The following HERC2 variants were observed in gnomAD, a reference collection of about 807,000 sequenced individuals.
HERC2 encodes the protein HECT and RLD domain containing E3 ubiquitin protein ligase 2, also known as E3 ubiquitin-protein ligase HERC2.
Under a neutral mutation model 537.7 loss-of-function variants are expected in HERC2, and 102 were observed. That is an observed-to-expected ratio of 0.19 (90% CI 0.16 to 0.22). The LOEUF is 0.22. HERC2 is among the 10% of genes least tolerant of loss of function. The pLI, the probability that HERC2 is intolerant of heterozygous loss-of-function variation, is 1.00. For synonymous variants in HERC2, 2,224 were observed against 2,466.2 expected (o/e 0.90, Z 2.91); for missense variants, 4,236 against 6,198.2 (o/e 0.68, Z 10.63).
chr15:28,258,851 A>C (rs544532122), intron 16 of HERC2, among the ~76,000 whole-genome samples: 1 of 152,298 alleles, frequency 6.6e-6, no homozygotes, highest in African/African-American at 2.4e-5. Context: ...CTGACAAAGA[A>C]AAAAACAGAA....
chr15:28,240,025 T>G (rs1464149106), intron 23 of HERC2, among the ~76,000 whole-genome samples: 1 of 151,712 alleles, frequency 6.6e-6, no homozygotes, highest in Non-Finnish European at 1.5e-5. Context: ...TCACTGTTAA[T>G]CTTATAGACA....
intron 48 of HERC2, among the ~76,000 whole-genome samples, chr15:28,200,326 C>T (rs1221680942): frequency 2.6e-5 from 4 of 152,084 alleles, no homozygotes; most frequent in Middle Eastern, 3.4e-3. Flanking sequence ...ACCCGGGAGG[C>T]GGAGCTTGTA....
Position 28,145,933 on chromosome 15 carries a change from T to C in HERC2, c.11008+304A>G, listed in dbSNP as rs370756778. On this transcript the variant is annotated intron_variant, in intron 71 of 92. Transcript: ENST00000261609. ...AACCTTTTGAAGAAGCTCTGCAGTA[T>C]GCCAACCATGACCTTACACGAGCTC... 2.8e-4 allele frequency among the ~76,000 whole-genome samples: 42 copies of C among 152,300 alleles called. No individual in the cohort carries two copies. The South Asian group carries it at 8.1e-3, about 29-fold the overall frequency.
At chr15:28,151,567 G>C (rs1434397781) in intron 70 of HERC2, among the ~76,000 whole-genome samples, 2 of 152,188 alleles carry the variant, frequency 1.3e-5, no homozygotes, top group East Asian at 3.9e-4. Flanking sequence ...CAGACCCCAG[G>C]TGAAGAGTGG....
At chr15:28,134,241 T>C (rs571490146) in intron 79 of HERC2, among the ~76,000 whole-genome samples, 2 of 152,322 alleles carry the variant, frequency 1.3e-5, no homozygotes, top group Admixed American at 1.3e-4. Flanking sequence ...GTATTCTAAG[T>C]GGTATTTTAA....
At chr15:28,155,473 T>C (rs1204506032) in intron 69 of HERC2, among the ~76,000 whole-genome samples, 2 of 152,192 alleles carry the variant, frequency 1.3e-5, no homozygotes. Context: ...TGGTGTGAGA[T>C]GGTATCTTAT....
chr15:28,319,559 TG>T (rs2077177796), intron 2 of HERC2, among the ~76,000 whole-genome samples: 4 of 125,398 alleles, frequency 3.2e-5, no homozygotes, highest in African/African-American at 1.2e-4. Context: ...CACGCCAGCC[TG>T]GGCGACAGAG....
In HERC2 at chr15:28,226,625, C is replaced by T. The variant is rs559244986; in HGVS notation, c.5464+1593G>A. On this transcript the variant is annotated intron_variant, in intron 35 of 92. Coordinates refer to ENST00000261609, the MANE Select transcript of HERC2 (RefSeq NM_004667.6). ...TAAAAATGGACCAAAGATCTAAATA[C>T]AAGAGCTGAAACTATAAAACTTACA... Among the ~76,000 whole-genome samples, 24 of 152,242 alleles carry T rather than the reference C, an allele frequency of 1.6e-4. No individual in the cohort carries two copies. The South Asian group carries it at 4.2e-3, about 26-fold the overall frequency.
At chr15:28,183,906 G>A (rs1289157063) in intron 56 of HERC2, among the ~76,000 whole-genome samples, 1 of 152,086 alleles carries the variant, frequency 6.6e-6, no homozygotes, top group Non-Finnish European at 1.5e-5. Context: ...TATGTATGGG[G>A]ACCAGGCACA....
intron 68 of HERC2, among the ~76,000 whole-genome samples, chr15:28,163,865 A>T (rs1893863568): frequency 6.6e-6 from 1 of 152,236 alleles, no homozygotes; most frequent in Non-Finnish European, 1.5e-5. Context: ...CAGCCTAAAC[A>T]TACCACATCT....
At chr15:28,314,168 G>A (rs1010374058) in intron 2 of HERC2, among the ~76,000 whole-genome samples, 3 of 151,992 alleles carry the variant, frequency 2.0e-5, no homozygotes, top group African/African-American at 7.2e-5. Context: ...ATATCTGAAA[G>A]TCAAGCAAAT....
At chr15:28,118,926 C>T (rs549460628) in intron 86 of HERC2, among the ~76,000 whole-genome samples, 1 of 152,220 alleles carries the variant, frequency 6.6e-6, no homozygotes, top group African/African-American at 2.4e-5. Context: ...AGCCCCCAGA[C>T]GTCAATCCAC....
intron 2 of HERC2, among the ~76,000 whole-genome samples, chr15:28,303,273 C>G (rs2076684824): frequency 6.6e-6 from 1 of 152,250 alleles, no homozygotes; most frequent in African/African-American, 2.4e-5. Flanking sequence ...TCCTTTCCCT[C>G]ACGTATCCTC....
chr15:28,142,382 A>G lies in HERC2; in HGVS notation c.11556T>C (p.Ala3852=). The change falls in exon 76 of 93, where the codon GCT becomes GCC. Residue 3852 remains alanine, a synonymous_variant. Transcript: ENST00000261609. Reference sequence around the variant, plus strand: ...TGTCCAGCTCCAGGTCACAAGCAAGAGCTACCAGTACCTGCAGGCACCAAA... The same window carrying G: ...TGTCCAGCTCCAGGTCACAAGCAAGGGCTACCAGTACCTGCAGGCACCAAA... The part of the protein sequence containing the change: ...LHSPFFKVLV[A]LACDLELDTL... The G allele has an allele frequency of 6.2e-7, 1 of 1,613,340 alleles. No homozygotes were observed. Among genetic ancestry groups the G allele is most frequent in the South Asian group, 1.1e-5 (1 of 90,946 alleles).
chr15:28,144,837 T>G, intron 71 of HERC2, 33 bp from the exon 72 acceptor site: 1 of 1,613,474 alleles, frequency 6.2e-7, no homozygotes, highest in African/African-American at 1.3e-5. Flanking sequence ...GGGGTTAGCT[T>G]CACTCCATCA....
chr15:28,124,368 C>T, intron 84 of HERC2, 134 bp from the exon 85 acceptor site: 1 of 496,788 alleles, frequency 2.0e-6, no homozygotes, highest in Non-Finnish European at 3.4e-6. Flanking sequence ...TTGGTTTGCA[C>T]AACCTCACTG....
At position 28,175,672 on chromosome 15, in the gene HERC2, T is replaced by C. The variant is rs755479598; in HGVS notation, c.9687-16A>G. 3.7e-6 allele frequency: 6 copies of C among 1,613,796 alleles called. 1 individual carries two copies. Among genetic ancestry groups the C allele is most frequent in the South Asian group, 3.3e-5 (3 of 91,074 alleles). On this transcript the variant is annotated splice_polypyrimidine_tract_variant and intron_variant, in intron 63 of 92. Transcript: ENST00000261609. The stretch of plus-strand genomic sequence containing the variant: ...CCCCTTTCCCCTGAGAGAAGGCCCA[T>C]GGTGGAGAGTTACAATACGGTTATG...
intron 23 of HERC2, among the ~76,000 whole-genome samples, chr15:28,240,563 T>G (rs1459509417): frequency 6.6e-6 from 1 of 152,184 alleles, no homozygotes; most frequent in Non-Finnish European, 1.5e-5. Flanking sequence ...TGTTAGAAAA[T>G]TTTCATAATA....
intron 2 of HERC2, among the ~76,000 whole-genome samples, chr15:28,318,109 G>A (rs1220068802): frequency 6.6e-6 from 1 of 152,106 alleles, no homozygotes; most frequent in Non-Finnish European, 1.5e-5. Context: ...TGTGTTTTAA[G>A]AATAAAAAGC....
Sources: gnomAD v4.1 joint callset for allele counts (sites outside exome capture counted in the v4.1 genomes callset) on GRCh38, gnomAD v4.1.1 for gene constraint, MANE v1.5 for transcripts, NCBI Gene and HGNC (gene_info 2026-07-23, HGNC 2026-07-21) for gene names.